Variants in TTC19 observed in about 807,000 individuals in gnomAD.
TTC19 encodes the protein tetratricopeptide repeat domain 19.
A neutral mutation model predicts 49.5 loss-of-function variants in TTC19; 38 were observed. The observed-to-expected ratio is 0.77, with a 90% CI of 0.59 to 1.01. The LOEUF is 1.01. Among genes scored for constraint, TTC19 ranks in the 50% least tolerant of loss-of-function variants. The probability of loss-of-function intolerance (pLI) is 0.00; values close to 1 mark genes in which losing one functional copy is unlikely to be tolerated. For synonymous variants in TTC19, 204 were observed against 185.2 expected, an observed-to-expected ratio of 1.10 and a Z score of -0.83; for missense variants, 475 against 477.7, an observed-to-expected ratio of 0.99 and a Z score of 0.05.
chr17:16,036,581 G>A (rs1054229610), intron 2 of TTC19, among the ~76,000 whole-genome samples: 1 of 152,210 alleles, frequency 6.6e-6, no homozygotes, highest in African/African-American at 2.4e-5. Context: ...TAGGTCTTCT[G>A]AGTAACTTGC....
intron 2 of TTC19, among the ~76,000 whole-genome samples, chr17:16,043,438 G>A (rs2058098200): frequency 6.6e-6 from 1 of 152,168 alleles, no homozygotes; most frequent in Non-Finnish European, 1.5e-5. Flanking sequence ...AAGCAATTCT[G>A]TTAGTACTTC....
At position 16,027,741 on chromosome 17, in the gene TTC19, C is replaced by A. The variant is rs986681161; in HGVS notation, c.*219C>A. The A allele has an allele frequency of 1.6e-6, 1 of 617,876 alleles. No individual in the cohort carries two copies. Among genetic ancestry groups the A allele is most frequent in the Admixed American group, 2.1e-5 (1 of 47,110 alleles). 38.3% of individuals were successfully genotyped at this position (617,876 alleles called of 1,614,324 possible). A position where few individuals can be genotyped will look rare whatever the true frequency, so the allele number is the denominator to read the frequency against. ...AACTGATTATGACCTTTCAGGATGT[C>A]GTCAAGTGATGCTTTCAGTTGTAAC... is the stretch of plus-strand genomic sequence containing the variant. On this transcript the variant is annotated 3_prime_UTR_variant, in exon 10 of 10. Coordinates refer to ENST00000261647, the MANE Select transcript of TTC19 (RefSeq NM_017775.4).
Position 16,013,199 on chromosome 17 carries a change from C to CA in TTC19, c.676+6639dup, listed in dbSNP as rs546797199. ...AGCACAGGCAATAGAGACCCTGTCT[C>CA]AAAAAAAATTAAAATTATACAAATG... On this transcript the variant is annotated intron_variant, in intron 7 of 9. Transcript: ENST00000261647. Among the ~76,000 whole-genome samples, 4 of 151,878 alleles carry CA rather than the reference C, an allele frequency of 2.6e-5. No homozygotes were observed. In the East Asian group the frequency reaches 5.8e-4, roughly 22 times the overall value.
rs141681794 is a variant in TTC19 at position 16,006,351 on chromosome 17, T to C, written c.582-123T>C. ...CTTGAACCCCGGAGGTGGAGGTTGC[T>C]CTGAGCCGAGGTCACGCCATTGCAC... On this transcript the variant is annotated intron_variant, in intron 6 of 9. Transcript: ENST00000261647. 243 of 748,168 alleles carry C rather than the reference T, an allele frequency of 3.2e-4. 1 individual carries two copies. Among genetic ancestry groups the C allele is most frequent in the Admixed American group, 6.1e-4 (32 of 52,344 alleles). 46.3% of individuals were successfully genotyped at this position (748,168 alleles called of 1,614,324 possible).
In TTC19 at chr17:16,028,229, TCTGAACA is replaced by T. The variant is rs1971648226; in HGVS notation, c.*710_*716del. On this transcript the variant is annotated 3_prime_UTR_variant, in exon 10 of 10. Coordinates refer to ENST00000261647, the MANE Select transcript of TTC19 (RefSeq NM_017775.4). ...ATGATGTAACCTTTTGTCTGTGTTA[TCTGAACA>T]CTCTACTTCCTTTGCAGCCTTAGTC... 1 of 454,128 alleles carries T rather than the reference TCTGAACA, an allele frequency of 2.2e-6. No homozygotes were observed. The highest frequency in any genetic ancestry group is 1.6e-5 in the South Asian group (1 of 64,484). The allele number at this position is 454,128 out of a possible 1,614,324, so 28.1% of individuals were successfully genotyped here.
intron 7 of TTC19, among the ~76,000 whole-genome samples, chr17:16,016,990 G>C (rs1004877274): frequency 6.6e-6 from 1 of 152,216 alleles, no homozygotes; most frequent in East Asian, 1.9e-4. Context: ...CACCATGCCC[G>C]GCCGATAAAT....
At chr17:16,034,593 A>G (rs1172574238) in intron 2 of TTC19, among the ~76,000 whole-genome samples, 2 of 152,084 alleles carry the variant, frequency 1.3e-5, no homozygotes, top group Admixed American at 6.5e-5. Flanking sequence ...GGGTGACAGA[A>G]CAAGACCCCT....
chr17:16,044,681 G>A (rs1444138426), exon 3 of TTC19: 1 of 672,174 alleles, frequency 1.5e-6, no homozygotes, highest in Non-Finnish European at 2.8e-6. Context: ...TGACAATGAG[G>A]TGACCATCAC....
chr17:16,019,082 C>T (rs1002544084), intron 7 of TTC19, among the ~76,000 whole-genome samples: 3 of 152,122 alleles, frequency 2.0e-5, no homozygotes, highest in Non-Finnish European at 2.9e-5. Flanking sequence ...CCTGTAATCC[C>T]AGCACTTTGA....
downstream of TTC19, chr17:16,030,487 G>A (rs1971820119): frequency 2.0e-5 from 4 of 200,150 alleles, 1 homozygote; most frequent in Admixed American, 1.8e-4. Context: ...AATATTACCA[G>A]TACCTGAAAA....
rs1971733556 is a variant in TTC19, at chr17:16,029,099, T to C, written c.*1577T>C. 2.2e-6 allele frequency: 1 copy of C among 452,716 alleles called. No homozygotes were observed. Among genetic ancestry groups the C allele is most frequent in the Admixed American group, 2.4e-5 (1 of 42,368 alleles). 28.0% of individuals were successfully genotyped at this position (452,716 alleles called of 1,614,324 possible). On this transcript the variant is annotated 3_prime_UTR_variant, in exon 10 of 10. Transcript: ENST00000261647. ...TCTTAAAAAAATTAATGTCAACCAC[T>C]CACCTTTTGCATTGAGAATGTTTTT...
chr17:16,019,339 CAAAA>C (rs745643467), intron 7 of TTC19, among the ~76,000 whole-genome samples: 1 of 151,852 alleles, frequency 6.6e-6, no homozygotes, highest in Non-Finnish European at 1.5e-5. Context: ...GTCTCCAAAA[CAAAA>C]AAACAATATA....
At chr17:16,036,601 T>A (rs1489607618) in intron 2 of TTC19, among the ~76,000 whole-genome samples, 1 of 152,254 alleles carries the variant, frequency 6.6e-6, no homozygotes, top group Non-Finnish European at 1.5e-5. Flanking sequence ...CTGCAACATC[T>A]TCATCAGCAC....
rs2302415 is a variant in TTC19, at chr17:16,003,077, C to T, written c.462+246C>T. ...CAGGTTTCTTCTAAGATAAGCCCTC[C>T]TCTGCCTAGGTGAGCTGACTCACCT... On this transcript the variant is annotated intron_variant, in intron 4 of 9. Coordinates refer to ENST00000261647, the MANE Select transcript of TTC19 (RefSeq NM_017775.4). Among the ~76,000 whole-genome samples, 96,866 of 151,760 alleles carry T rather than the reference C, an allele frequency of 0.64. 32,401 individuals are homozygous for T. The highest frequency in any genetic ancestry group is 0.84 in the African/African-American group (34,986 of 41,474).
chr17:16,044,319 T>A, intron 2 of TTC19: 1 of 459,184 alleles, frequency 2.2e-6, no homozygotes, highest in Non-Finnish European at 4.5e-6. Flanking sequence ...GAAACAGTGG[T>A]GACACTGGCT....
At chr17:16,004,409 T>G in intron 6 of TTC19, 147 bp downstream of exon 6, 1 of 815,212 alleles carries the variant, frequency 1.2e-6, no homozygotes, top group Non-Finnish European at 2.1e-6. Flanking sequence ...TTTGAAATTG[T>G]CAGTCTTTTT....
chr17:16,010,499 G>C (rs1971037870), intron 7 of TTC19, among the ~76,000 whole-genome samples: 1 of 147,440 alleles, frequency 6.8e-6, no homozygotes. Flanking sequence ...TTTTGAGACA[G>C]AGTCCCGCTC....
chr17:16,035,720 T>C (rs2151883873), intron 2 of TTC19, among the ~76,000 whole-genome samples: 1 of 151,982 alleles, frequency 6.6e-6, no homozygotes, highest in Non-Finnish European at 1.5e-5. Context: ...TTTTAAAATT[T>C]TTGTAGAGAT....
chr17:16,025,645 G>C (rs950383425), intron 8 of TTC19, among the ~76,000 whole-genome samples: 1 of 152,186 alleles, frequency 6.6e-6, no homozygotes, highest in African/African-American at 2.4e-5. Flanking sequence ...TAAGTATAAC[G>C]TGTAAAGCTC....
Sources: allele counts gnomAD v4.1 joint callset (sites outside exome capture counted in the v4.1 genomes callset), GRCh38; gene constraint gnomAD v4.1.1; transcripts MANE v1.5; gene names NCBI Gene and HGNC (gene_info 2026-07-23, HGNC 2026-07-21).